FCHO2: variants seen among roughly 807,000 people sequenced by gnomAD.
The protein encoded by FCHO2 is FCH and mu domain containing endocytic adaptor 2.
Under a neutral mutation model 114.1 loss-of-function variants are expected in FCHO2, and 43 were observed. The observed-to-expected ratio is 0.38, with a 90% CI of 0.30 to 0.49. FCHO2 has a LOEUF of 0.49. Among genes scored for constraint, FCHO2 ranks in the 20% least tolerant of loss-of-function variants. The pLI, the probability that FCHO2 is intolerant of heterozygous loss-of-function variation, is 0.97. For missense variants in FCHO2, 807 were observed against 950.4 expected (o/e 0.85, Z 1.98); for synonymous variants, 293 against 315.2 (o/e 0.93, Z 0.75).
At chr5:73,002,738 A>G (rs1327830163) in intron 5 of FCHO2, among the ~76,000 whole-genome samples, 1 of 152,232 alleles carries the variant, frequency 6.6e-6, no homozygotes, top group Non-Finnish European at 1.5e-5. Context: ...GCTGGGAACT[A>G]TGAATGTTTT....
chr5:73,080,781 TTGC>T (rs1477908124), intron 22 of FCHO2, among the ~76,000 whole-genome samples: 2 of 152,164 alleles, frequency 1.3e-5, no homozygotes, highest in African/African-American at 2.4e-5. Context: ...GTGCATGTAA[TTGC>T]TGGGAGTAGG....
At chr5:72,973,569 T>G (rs1047240447) in intron 2 of FCHO2, among the ~76,000 whole-genome samples, 1 of 151,792 alleles carries the variant, frequency 6.6e-6, no homozygotes, top group African/African-American at 2.4e-5. Context: ...CATTTTTTAT[T>G]GCGTCTATTT....
At chr5:73,054,222 A>G (rs1757477692) in intron 14 of FCHO2, 51 bp downstream of exon 14, 2 of 1,396,584 alleles carry the variant, frequency 1.4e-6, no homozygotes, top group Non-Finnish European at 9.7e-7. Flanking sequence ...AATCATTGTA[A>G]TTTTGGAAGA....
chr5:73,046,846 A>G (rs1324760705), intron 11 of FCHO2, among the ~76,000 whole-genome samples: 1 of 152,142 alleles, frequency 6.6e-6, no homozygotes, highest in African/African-American at 2.4e-5. Context: ...ACTCACTGCT[A>G]GCTACATTAG....
intron 10 of FCHO2, among the ~76,000 whole-genome samples, chr5:73,039,638 A>AC (rs1756705232): frequency 6.6e-6 from 1 of 152,116 alleles, no homozygotes; most frequent in South Asian, 2.1e-4. Context: ...ATAGAAAGTC[A>AC]CCTGGGGGGC....
At chr5:72,973,246 T>C (rs1485276240) in intron 2 of FCHO2, among the ~76,000 whole-genome samples, 1 of 152,086 alleles carries the variant, frequency 6.6e-6, no homozygotes, top group Non-Finnish European at 1.5e-5. Context: ...TCCCTCTTTT[T>C]CTATTGATTG....
intron 1 of FCHO2, among the ~76,000 whole-genome samples, chr5:72,963,902 G>GTTTTTTTTTTTTTTTTTTTTTTTT (rs70973214): frequency 1.0e-5 from 1 of 95,694 alleles, no homozygotes. Context: ...GGAACTTTCA[G>GTTTTTTTTTTTTTTTTTTTTTTTT]TTTTTTTTTT....
At chr5:73,045,430 A>G (rs371331481) in intron 11 of FCHO2, among the ~76,000 whole-genome samples, 14 of 152,176 alleles carry the variant, frequency 9.2e-5, no homozygotes, top group African/African-American at 3.4e-4. Flanking sequence ...GTACATATGA[A>G]TAGTTTATTT....
intron 1 of FCHO2, among the ~76,000 whole-genome samples, chr5:72,960,393 TAATC>T (rs1300906865): frequency 2.6e-5 from 4 of 152,226 alleles, no homozygotes; most frequent in Non-Finnish European, 5.9e-5. Context: ...GCACCATTGA[TAATC>T]AAGCTGAAAT....
intron 11 of FCHO2, among the ~76,000 whole-genome samples, chr5:73,049,291 C>T (rs1007948538): frequency 6.6e-6 from 1 of 152,076 alleles, no homozygotes; most frequent in Non-Finnish European, 1.5e-5. Context: ...TTCACCACAC[C>T]ACACCCCAAG....
intron 17 of FCHO2, among the ~76,000 whole-genome samples, chr5:73,059,182 A>G (rs1167982159): frequency 2.0e-5 from 3 of 152,188 alleles, no homozygotes; most frequent in Admixed American, 2.0e-4. Flanking sequence ...AATCAATTTT[A>G]GTTGATCTTC....
intron 7 of FCHO2, among the ~76,000 whole-genome samples, chr5:73,015,928 T>A (rs1755284575): frequency 6.6e-6 from 1 of 152,180 alleles, no homozygotes; most frequent in Admixed American, 6.5e-5. Flanking sequence ...AGGATGATAA[T>A]TCAAATTAAT....
In FCHO2 at chr5:73,022,418, T is replaced by G. The variant is rs10062937; in HGVS notation, c.796+5110T>G. On this transcript the variant is annotated intron_variant, in intron 8 of 25. Coordinates refer to ENST00000430046, the MANE Select transcript of FCHO2 (RefSeq NM_138782.3). ...TTTTTCTTTTCCCTGATGCAATTTT[T>G]CCCACTCTGCTTTGGCTTCCTGGGC... Among the ~76,000 whole-genome samples the G allele has an allele frequency of 2.1e-3, 314 of 152,332 alleles. 1 individual carries two copies. The highest frequency in any genetic ancestry group is 3.5e-3 in the Admixed American group (53 of 15,302).
chr5:72,961,176 G>T (rs563209073), intron 1 of FCHO2, among the ~76,000 whole-genome samples: 1 of 151,950 alleles, frequency 6.6e-6, no homozygotes, highest in African/African-American at 2.4e-5. Context: ...TAAAATTCTG[G>T]AATTGCTATT....
intron 6 of FCHO2, among the ~76,000 whole-genome samples, chr5:73,010,875 CAAAAAA>C (rs57820498): frequency 2.7e-4 from 7 of 25,736 alleles, no homozygotes; most frequent in African/African-American, 4.8e-4. Flanking sequence ...GACTCTGTCT[CAAAAAA>C]AAAAAAAAAA....
intron 21 of FCHO2, 35 bp downstream of exon 21, chr5:73,077,528 C>A (rs1225475764): frequency 1.9e-6 from 3 of 1,557,280 alleles, no homozygotes; most frequent in Admixed American, 1.9e-5. Context: ...GTTGAAATTT[C>A]GTTTTAAGAT....
At chr5:72,962,904 G>A (rs988424821) in intron 1 of FCHO2, among the ~76,000 whole-genome samples, 4 of 148,800 alleles carry the variant, frequency 2.7e-5, no homozygotes, top group African/African-American at 7.5e-5. Context: ...AAAAAAAAAA[G>A]TATTAGAATT....
intron 22 of FCHO2, among the ~76,000 whole-genome samples, chr5:73,080,540 A>G (rs954661813): frequency 6.6e-6 from 1 of 152,216 alleles, no homozygotes; most frequent in Non-Finnish European, 1.5e-5. Context: ...AAAAAGAATG[A>G]CATGGATCTA....
intron 11 of FCHO2, among the ~76,000 whole-genome samples, chr5:73,049,999 TGCCCAAATTCTA>T (rs1757267216): frequency 6.6e-6 from 1 of 152,162 alleles, no homozygotes; most frequent in East Asian, 1.9e-4. Flanking sequence ...CCATTTCCTC[TGCCCAAATTCTA>T]GAATATTATA....
Sources: allele counts gnomAD v4.1 joint callset (sites outside exome capture counted in the v4.1 genomes callset), GRCh38; gene constraint gnomAD v4.1.1; transcripts MANE v1.5; gene names NCBI Gene and HGNC (gene_info 2026-07-23, HGNC 2026-07-21).